Variants in AGBL4 observed in about 807,000 individuals in gnomAD.
The protein encoded by AGBL4 is cytosolic carboxypeptidase 6.
Under a neutral mutation model 66.4 loss-of-function variants are expected in AGBL4, and 58 were observed. That is an observed-to-expected ratio of 0.87 (90% CI 0.71 to 1.09). The LOEUF (loss-of-function observed/expected upper bound fraction) is 1.09. Among genes scored for constraint, AGBL4 ranks in the 50% least tolerant of loss-of-function variants. The pLI is 0.00. For missense variants in AGBL4, 579 were observed against 631.0 expected (o/e 0.92, Z 0.88); for synonymous variants, 234 against 222.9 (o/e 1.05, Z -0.44).
chr1:49,794,242 G>A (rs1644676759), intron 2 of AGBL4, among the ~76,000 whole-genome samples: 1 of 151,710 alleles, frequency 6.6e-6, no homozygotes, highest in Admixed American at 6.6e-5. Context: ...CCGATACATA[G>A]AAAAAGCAAT....
chr1:49,288,074 T>A (rs1310685187), intron 3 of AGBL4, among the ~76,000 whole-genome samples: 2 of 138,258 alleles, frequency 1.4e-5, no homozygotes, highest in East Asian at 4.3e-4. Context: ...GGGACATGGA[T>A]GAAATTGGAA....
intron 5 of AGBL4, among the ~76,000 whole-genome samples, chr1:48,897,806 CTTTTTT>C (rs55889870): frequency 1.2e-4 from 15 of 127,798 alleles, no homozygotes; most frequent in Non-Finnish European, 1.9e-4. Context: ...CTTTTGCCCA[CTTTTTT>C]TTTTTTTTTT....
chr1:49,480,686 G>A (rs1447419082), intron 3 of AGBL4, among the ~76,000 whole-genome samples: 2 of 151,768 alleles, frequency 1.3e-5, no homozygotes, highest in African/African-American at 2.4e-5. Context: ...TAATTCCTTT[G>A]GTGTCTTAAT....
At chr1:48,621,383 T>A (rs1355775731) in intron 9 of AGBL4, among the ~76,000 whole-genome samples, 2 of 152,178 alleles carry the variant, frequency 1.3e-5, no homozygotes, top group Non-Finnish European at 2.9e-5. Flanking sequence ...GGCAATGGAC[T>A]CTAATGAGTT....
chr1:48,754,429 G>T (rs1053425096), intron 6 of AGBL4, among the ~76,000 whole-genome samples: 2 of 152,082 alleles, frequency 1.3e-5, no homozygotes, highest in East Asian at 3.9e-4. Flanking sequence ...TGGAACAAAG[G>T]ATACCCTCGA....
At chr1:49,879,886 C>T (rs1647162843) in intron 1 of AGBL4, among the ~76,000 whole-genome samples, 1 of 125,244 alleles carries the variant, frequency 8.0e-6, no homozygotes, top group Non-Finnish European at 1.7e-5. Flanking sequence ...CTCTAAACTT[C>T]CCTTCTCGCT....
chr1:49,257,518 C>G (rs12048420), intron 3 of AGBL4: 1 of 152,830 alleles, frequency 6.5e-6, no homozygotes, highest in South Asian at 2.1e-4. Flanking sequence ...TTCCTAAGCC[C>G]GTCAGAAAAG....
At chr1:49,617,306 A>G (rs1417583844) in intron 3 of AGBL4, among the ~76,000 whole-genome samples, 1 of 152,144 alleles carries the variant, frequency 6.6e-6, no homozygotes, top group East Asian at 1.9e-4. Context: ...TCATCTTCAG[A>G]TATTTGCACA....
intron 11 of AGBL4, among the ~76,000 whole-genome samples, chr1:48,562,918 T>C (rs755195689): frequency 3.9e-5 from 6 of 152,206 alleles, no homozygotes; most frequent in Non-Finnish European, 7.3e-5. Context: ...TTCAGGGTTA[T>C]GGCAGGTAGT....
intron 2 of AGBL4, among the ~76,000 whole-genome samples, chr1:49,783,929 A>G (rs1194867746): frequency 6.6e-6 from 1 of 152,170 alleles, no homozygotes; most frequent in African/African-American, 2.4e-5. Flanking sequence ...TTAGGAATAA[A>G]TTTAACAAAA....
In AGBL4 at chr1:49,819,136, C is replaced by A. The variant is rs564149066; in HGVS notation, c.157+32260G>T. Among the ~76,000 whole-genome samples, 8 of 152,244 alleles carry A rather than the reference C, an allele frequency of 5.3e-5. No homozygotes were observed. The East Asian group carries it at 1.5e-3, about 29-fold the overall frequency. Reference sequence around the variant, plus strand: ...TAATAGATGATCAATACTTCTCTGGCCATATTTATTCTGTTCACTTCCAGG... The same window carrying A: ...TAATAGATGATCAATACTTCTCTGGACATATTTATTCTGTTCACTTCCAGG... On this transcript the variant is annotated intron_variant, in intron 2 of 13. Transcript: ENST00000371839.
intron 6 of AGBL4, among the ~76,000 whole-genome samples, chr1:48,845,143 A>G (rs1042654239): frequency 5.5e-4 from 84 of 152,288 alleles, no homozygotes; most frequent in African/African-American, 2.0e-3. Context: ...GGTCAGTCCT[A>G]AAGAGTAAGG....
intron 1 of AGBL4, among the ~76,000 whole-genome samples, chr1:49,873,976 T>C (rs1446843562): frequency 6.6e-6 from 1 of 151,934 alleles, no homozygotes; most frequent in Non-Finnish European, 1.5e-5. Context: ...TTACACTACA[T>C]AAAAACAAGA....
intron 6 of AGBL4, among the ~76,000 whole-genome samples, chr1:48,753,422 A>G (rs17366209): frequency 0.41 from 62,572 of 152,166 alleles, 14,552 homozygotes; most frequent in Non-Finnish European, 0.53. Flanking sequence ...AGCAAGAAGC[A>G]TTTGGCTGAC....
the AGBL4 span, among the ~76,000 whole-genome samples, chr1:48,525,218 G>A: frequency 1.3e-5 from 2 of 152,138 alleles, no homozygotes; most frequent in Admixed American, 6.5e-5. Context: ...ATTGGTAAGA[G>A]AGCTGATACA....
At chr1:48,862,265 C>T (rs1342157290) in intron 6 of AGBL4, among the ~76,000 whole-genome samples, 1 of 152,166 alleles carries the variant, frequency 6.6e-6, no homozygotes, top group Non-Finnish European at 1.5e-5. Context: ...TCCTCCCCTG[C>T]GTGCCATTCT....
At chr1:49,174,725 AT>A (rs1202876320) in intron 4 of AGBL4, 1 of 152,110 alleles carries the variant, frequency 6.6e-6, no homozygotes, top group Non-Finnish European at 1.5e-5. Flanking sequence ...GTCCACTGAT[AT>A]GCAGATACAT....
chr1:49,164,866 G>T (rs544854495), intron 4 of AGBL4, among the ~76,000 whole-genome samples: 32 of 152,208 alleles, frequency 2.1e-4, no homozygotes, highest in African/African-American at 7.7e-4. Context: ...TGTGACCAAG[G>T]GTTTCTATAA....
intron 4 of AGBL4, among the ~76,000 whole-genome samples, chr1:49,160,221 A>C (rs1368783990): frequency 1.3e-5 from 2 of 151,910 alleles, no homozygotes; most frequent in African/African-American, 4.8e-5. Flanking sequence ...TGGATCTTTG[A>C]TGTTGGTGAC....
Sources: allele counts gnomAD v4.1 joint callset (sites outside exome capture counted in the v4.1 genomes callset), GRCh38; gene constraint gnomAD v4.1.1; transcripts MANE v1.5; gene names NCBI Gene and HGNC (gene_info 2026-07-23, HGNC 2026-07-21).